The following PIGN variants were observed in gnomAD, a reference collection of about 807,000 sequenced individuals.
PIGN encodes the protein phosphatidylinositol glycan anchor biosynthesis class N, also known as GPI ethanolamine phosphate transferase 1.
In PIGN, 117 loss-of-function variants were observed where a neutral mutation model predicts 125.4. The ratio of observed to expected loss-of-function variants is 0.93; its 90% CI spans 0.80 to 1.09. The LOEUF (loss-of-function observed/expected upper bound fraction) is 1.09, where lower values mean the gene tolerates loss of function less well. Among genes scored for constraint, PIGN ranks in the 50% least tolerant of loss-of-function variants. The pLI, the probability that PIGN is intolerant of heterozygous loss-of-function variation, is 0.00. For synonymous variants in PIGN, 392 were observed against 377.8 expected, an observed-to-expected ratio of 1.04 and a Z score of -0.44; for missense variants, 1,075 against 1,094.9, an observed-to-expected ratio of 0.98 and a Z score of 0.26.
intron 14 of PIGN, among the ~76,000 whole-genome samples, chr18:62,125,470 T>C (rs1413890740): frequency 6.6e-6 from 1 of 152,058 alleles, no homozygotes; most frequent in Non-Finnish European, 1.5e-5. Context: ...TTTTTTTGAT[T>C]ATAAGCAATC....
At chr18:62,138,396 C>A in intron 13 of PIGN, 98 bp from the exon 14 acceptor site, 3 of 1,404,572 alleles carry the variant, frequency 2.1e-6, no homozygotes, top group African/African-American at 1.5e-5. Context: ...GGATGGTTAA[C>A]CACTTTGAAA....
chr18:62,156,067 A>G lies in PIGN; in HGVS notation c.442+1062T>C, dbSNP rs138889955. Among the ~76,000 whole-genome samples the G allele has an allele frequency of 1.5e-3, 235 of 152,320 alleles. 1 individual carries two copies. Among genetic ancestry groups the G allele is most frequent in the African/African-American group, 5.3e-3 (219 of 41,574 alleles). ...ATCCTTTCTGATAAGTGAAATGATC[A>G]ATCTTTCTGCTCCCACTTAAAAGCA... On this transcript the variant is annotated intron_variant, in intron 6 of 30. Transcript: ENST00000640252.
Position 62,161,251 on chromosome 18 carries a change from G to A in PIGN, c.103C>T (p.Gln35Ter), listed in dbSNP as rs753242108. ...TSPLVHGMTPQFTPLPPPARR... is the reference protein window; with the variant it reads ...TSPLVHGMTP ...GCTGGAGGAGGCAATGGTGTAAACT[G>A]AGGAGTCATTCCATGAACCAAAGGA... Residue 35 changes from glutamine (Q) to a stop codon, truncating the protein, a stop_gained, in exon 4 of 31, where the codon CAG becomes TAG. Transcript: ENST00000640252. LOFTEE classifies it high-confidence loss of function. The A allele has an allele frequency of 1.9e-6, 3 of 1,613,634 alleles. No homozygotes were observed. The highest frequency in any genetic ancestry group is 1.1e-5 in the South Asian group (1 of 91,084).
chr18:62,130,799 C>T (rs933046127), intron 14 of PIGN, among the ~76,000 whole-genome samples: 1 of 151,904 alleles, frequency 6.6e-6, no homozygotes, highest in Non-Finnish European at 1.5e-5. Context: ...TTTAGTAATA[C>T]TTGTCTATTC....
chr18:62,131,529 T>A (rs546539158), intron 14 of PIGN, among the ~76,000 whole-genome samples: 75 of 152,326 alleles, frequency 4.9e-4, no homozygotes, highest in African/African-American at 1.8e-3. Flanking sequence ...CAGCATACCA[T>A]CACCAGGGTC....
In PIGN at chr18:62,157,740, C is replaced by A; in HGVS notation, c.290G>T (p.Gly97Val). 6.2e-7 allele frequency: 1 copy of A among 1,612,622 alleles called. No homozygotes were observed. Among genetic ancestry groups the A allele is most frequent in the Non-Finnish European group, 8.5e-7 (1 of 1,179,172 alleles). Reference sequence around the variant, plus strand: ...AAACCCAGCTATCAGAGCTACATGACCTGGCCGAGATTCTGTTGGCACACG... The same window carrying A: ...AAACCCAGCTATCAGAGCTACATGAACTGGCCGAGATTCTGTTGGCACACG... ...HTRVPTESRPGHVALIAGFYE... is the reference protein window; with the variant it reads ...HTRVPTESRPVHVALIAGFYE... The change falls in exon 5 of 31, where the codon GGT becomes GTT. Residue 97 changes from glycine to valine, a missense_variant. Physicochemically the swap from Gly to Val is moderately radical, Grantham distance 109. Around this residue, in one of 3 missense-constraint regions of PIGN, gnomAD observed 152 missense variants for 162.9 expected, o/e 0.93. Transcript: ENST00000640252.
At chr18:62,113,851 A>C (rs919632951) in intron 15 of PIGN, among the ~76,000 whole-genome samples, 31 of 152,184 alleles carry the variant, frequency 2.0e-4, no homozygotes, top group Non-Finnish European at 5.9e-5. Context: ...AAATTAAATG[A>C]CCATTTAACA....
At chr18:62,158,840 T>C (rs1018655403) in intron 4 of PIGN, among the ~76,000 whole-genome samples, 3 of 152,250 alleles carry the variant, frequency 2.0e-5, no homozygotes, top group African/African-American at 7.2e-5. Flanking sequence ...TCTTGAGTTA[T>C]ATAATGAAAA....
rs141918272 is a variant in PIGN at position 62,114,550 on chromosome 18, G to A, written c.1251+11C>T. ...ATCAGCTATTTATGTCTATAAGGCC[G>A]GTATACTTACCACTTCATCAAACTT... On this transcript the variant is annotated intron_variant, in intron 15 of 30. Coordinates refer to ENST00000640252, the MANE Select transcript of PIGN (RefSeq NM_176787.5). The A allele has an allele frequency of 1.9e-3, 2,732 of 1,450,670 alleles. 51 individuals carry two copies. The Admixed American group carries it at 0.039, about 21-fold the overall frequency. 89.9% of individuals were successfully genotyped at this position (1,450,670 alleles called of 1,614,324 possible).
chr18:62,180,628 A>C (rs745704768), intron 1 of PIGN, among the ~76,000 whole-genome samples: 4 of 152,120 alleles, frequency 2.6e-5, no homozygotes, highest in Admixed American at 1.3e-4. Flanking sequence ...TTATTGGCCA[A>C]TTGGGTCTCT....
chr18:62,089,784 T>C (rs1239569457), intron 24 of PIGN, among the ~76,000 whole-genome samples: 3 of 152,276 alleles, frequency 2.0e-5, no homozygotes. Context: ...TATGAAAGTA[T>C]TTTCTGTAAT....
At chr18:62,121,582 T>G (rs1477651506) in intron 14 of PIGN, among the ~76,000 whole-genome samples, 1 of 151,920 alleles carries the variant, frequency 6.6e-6, no homozygotes, top group Non-Finnish European at 1.5e-5. Flanking sequence ...TCCTATCTAT[T>G]TTTTTTAGCT....
At chr18:62,039,784 A>G (rs139712960), downstream of PIGN, among the ~76,000 whole-genome samples, 92 of 28,204 alleles carry the variant, frequency 3.3e-3, 5 homozygotes, top group Middle Eastern at 0.036. Context: ...GCCCATCCAG[A>G]GTGCCGCACC....
intron 13 of PIGN, 148 bp downstream of exon 13, chr18:62,138,835 G>A (rs2036030050): frequency 1.8e-6 from 1 of 546,644 alleles, no homozygotes; most frequent in Admixed American, 3.1e-5. Context: ...CTTCAGAAAT[G>A]TGAAACACAA....
intron 4 of PIGN, among the ~76,000 whole-genome samples, chr18:62,160,427 G>C (rs1180887704): frequency 1.3e-5 from 2 of 152,022 alleles, no homozygotes; most frequent in African/African-American, 4.8e-5. Flanking sequence ...GTTTTAATTT[G>C]AAGTCTATAT....
chr18:62,049,036 C>T (rs1350991794), intron 30 of PIGN, among the ~76,000 whole-genome samples: 3 of 152,010 alleles, frequency 2.0e-5, no homozygotes, highest in African/African-American at 4.8e-5. Flanking sequence ...ATGAACTCAT[C>T]CTTTTTTATG....
chr18:62,090,353 A>G (rs1050011761), intron 24 of PIGN, 123 bp downstream of exon 24: 2 of 587,760 alleles, frequency 3.4e-6, no homozygotes, highest in Admixed American at 7.5e-5. Flanking sequence ...TTAATGCCAA[A>G]CAACTAAAAC....
chr18:62,022,688 T>A (rs903850656), intron 23 of PIGN, among the ~76,000 whole-genome samples: 4 of 152,138 alleles, frequency 2.6e-5, no homozygotes, highest in Non-Finnish European at 5.9e-5. Context: ...AATGAAAAAA[T>A]AATGAAACTA....
At chr18:62,085,608 T>C (rs939177051) in intron 25 of PIGN, among the ~76,000 whole-genome samples, 1 of 152,164 alleles carries the variant, frequency 6.6e-6, no homozygotes, top group Non-Finnish European at 1.5e-5. Context: ...GTATCATAGA[T>C]ATTTTCAGCT....
Sources: allele counts gnomAD v4.1 joint callset (sites outside exome capture counted in the v4.1 genomes callset), GRCh38; gene constraint gnomAD v4.1.1; regional missense constraint gnomAD v4.1.1; transcripts MANE v1.5; gene names NCBI Gene and HGNC (gene_info 2026-07-23, HGNC 2026-07-21).